Variants in ROBO2 observed in about 807,000 individuals in gnomAD.
The protein encoded by ROBO2 is roundabout guidance receptor 2.
ROBO2 carries 53 observed loss-of-function variants against 160.8 expected under a neutral mutation model. The ratio of observed to expected loss-of-function variants is 0.33; its 90% CI spans 0.26 to 0.41. ROBO2 has a LOEUF of 0.41. Ranked by LOEUF, ROBO2 falls within the 10% of genes least tolerant of loss-of-function variation. The probability of loss-of-function intolerance (pLI) is 1.00; values close to 1 mark genes in which losing one functional copy is unlikely to be tolerated. For synonymous variants in ROBO2, 664 were observed against 611.7 expected, an observed-to-expected ratio of 1.09 and a Z score of -1.26; for missense variants, 1,577 against 1,722.4, an observed-to-expected ratio of 0.92 and a Z score of 1.49.
At chr3:76,018,575 T>C (rs1188808729) in intron 2 of ROBO2, among the ~76,000 whole-genome samples, 1 of 151,970 alleles carries the variant, frequency 6.6e-6, no homozygotes, top group Non-Finnish European at 1.5e-5. Flanking sequence ...GTTTTAAATA[T>C]GCTTTCCTAT....
chr3:75,927,464 A>G (rs1205271409), intron 1 of ROBO2, among the ~76,000 whole-genome samples: 1 of 152,208 alleles, frequency 6.6e-6, no homozygotes, highest in Non-Finnish European at 1.5e-5. Context: ...AACTATTACA[A>G]GGTAGTTTAC....
chr3:76,336,466 T>G (rs927844704), intron 2 of ROBO2, among the ~76,000 whole-genome samples: 1 of 152,174 alleles, frequency 6.6e-6, no homozygotes, highest in Non-Finnish European at 1.5e-5. Context: ...AGTTTCTCAT[T>G]CCAACAATGT....
chr3:76,169,896 T>C (rs1490215303), intron 2 of ROBO2, among the ~76,000 whole-genome samples: 1 of 152,104 alleles, frequency 6.6e-6, no homozygotes, highest in East Asian at 1.9e-4. Flanking sequence ...TTCTCCTGCC[T>C]CAGCCTCCCG....
At chr3:76,822,767 C>T (rs140152618) in intron 2 of ROBO2, among the ~76,000 whole-genome samples, 2,909 of 151,460 alleles carry the variant, frequency 0.019, 46 homozygotes, top group South Asian at 0.037. Context: ...AAAGAAGGAC[C>T]CTCTACAAAT....
intron 2 of ROBO2, among the ~76,000 whole-genome samples, chr3:76,653,819 C>G (rs910162060): frequency 6.6e-6 from 1 of 152,130 alleles, no homozygotes; most frequent in African/African-American, 2.4e-5. Flanking sequence ...TAGGACATTA[C>G]CATGGCAACA....
At chr3:76,594,684 T>C (rs2108863787) in intron 2 of ROBO2, among the ~76,000 whole-genome samples, 1 of 152,164 alleles carries the variant, frequency 6.6e-6, no homozygotes, top group Admixed American at 6.6e-5. Context: ...GTGTTTAGTA[T>C]AGATTTGGAG....
intron 2 of ROBO2, among the ~76,000 whole-genome samples, chr3:76,604,175 A>G (rs1016351526): frequency 1.3e-5 from 2 of 152,210 alleles, no homozygotes; most frequent in South Asian, 2.1e-4. Context: ...AATGTTAAGC[A>G]TGAAGAAGAT....
intron 14 of ROBO2, among the ~76,000 whole-genome samples, chr3:77,575,805 A>T (rs1449564048): frequency 6.6e-6 from 1 of 152,138 alleles, no homozygotes; most frequent in Non-Finnish European, 1.5e-5. Flanking sequence ...TGAGTGGAGC[A>T]GGTAACCTTA....
chr3:76,126,832 T>C (rs1384252660), intron 2 of ROBO2, among the ~76,000 whole-genome samples: 21 of 152,118 alleles, frequency 1.4e-4, no homozygotes, highest in Non-Finnish European at 2.9e-4. Context: ...ATAACATGTG[T>C]TTAAGTTTAG....
chr3:77,071,603 T>G (rs775313964), intron 1 of ROBO2, among the ~76,000 whole-genome samples: 4 of 152,164 alleles, frequency 2.6e-5, no homozygotes, highest in Non-Finnish European at 5.9e-5. Flanking sequence ...GCAGCTTGCC[T>G]GAGGGTCACG....
At chr3:76,120,414 A>G (rs1408608237) in intron 2 of ROBO2, among the ~76,000 whole-genome samples, 1 of 152,202 alleles carries the variant, frequency 6.6e-6, no homozygotes, top group African/African-American at 2.4e-5. Flanking sequence ...TTACTCTACC[A>G]TATAATCTGC....
At chr3:77,325,828 A>G (rs1178397889) in intron 2 of ROBO2, among the ~76,000 whole-genome samples, 1 of 152,188 alleles carries the variant, frequency 6.6e-6, no homozygotes, top group African/African-American at 2.4e-5. Flanking sequence ...AAATAGTATT[A>G]TTTTGATCCT....
chr3:76,865,476 C>T (rs553553506), intron 2 of ROBO2, among the ~76,000 whole-genome samples: 1 of 152,184 alleles, frequency 6.6e-6, no homozygotes, highest in East Asian at 1.9e-4. Flanking sequence ...CCACGGACCA[C>T]ACTTTGAGTA....
At chr3:77,527,730 C>A (rs1002614249) in intron 6 of ROBO2, among the ~76,000 whole-genome samples, 10 of 151,460 alleles carry the variant, frequency 6.6e-5, no homozygotes, top group Admixed American at 2.6e-4. Flanking sequence ...GAAAGCATTG[C>A]TCTCCTTTTT....
At chr3:76,616,266 A>G (rs775071417) in intron 2 of ROBO2, among the ~76,000 whole-genome samples, 6 of 152,236 alleles carry the variant, frequency 3.9e-5, no homozygotes, top group Non-Finnish European at 5.9e-5. Context: ...TGTATAAACT[A>G]TGAAATCATA....
At chr3:77,499,741 CG>C (rs2087296461) in intron 5 of ROBO2, among the ~76,000 whole-genome samples, 1 of 151,098 alleles carries the variant, frequency 6.6e-6, no homozygotes, top group African/African-American at 2.4e-5. Flanking sequence ...CTCCACCTCC[CG>C]GGTTCAAGTG....
chr3:76,357,868 T>C (rs934090967), intron 2 of ROBO2, among the ~76,000 whole-genome samples: 2 of 148,582 alleles, frequency 1.3e-5, no homozygotes, highest in African/African-American at 5.1e-5. Context: ...AATCAAATAG[T>C]ATGAAAATTA....
intron 2 of ROBO2, among the ~76,000 whole-genome samples, chr3:76,033,933 G>A (rs1288482801): frequency 6.6e-6 from 1 of 152,202 alleles, no homozygotes; most frequent in Non-Finnish European, 1.5e-5. Context: ...TTCCGAAAGG[G>A]AAAGTAGAAA....
intron 2 of ROBO2, among the ~76,000 whole-genome samples, chr3:76,917,539 T>C (rs539157341): frequency 6.6e-6 from 1 of 152,322 alleles, no homozygotes; most frequent in South Asian, 2.1e-4. Context: ...TCCTGCTTCA[T>C]GCATTAAGAG....
Sources: gnomAD v4.1 joint callset for allele counts (sites outside exome capture counted in the v4.1 genomes callset) on GRCh38, gnomAD v4.1.1 for gene constraint, MANE v1.5 for transcripts, NCBI Gene and HGNC (gene_info 2026-07-23, HGNC 2026-07-21) for gene names.